HIGD1C: variants seen among roughly 807,000 people sequenced by gnomAD.
HIGD1C encodes HIG1 hypoxia inducible domain family member 1C.
In HIGD1C, 11 loss-of-function variants were observed where a neutral mutation model predicts 13.1. The observed-to-expected ratio is 0.84, with a 90% confidence interval of 0.53 to 1.39. The LOEUF is 1.39. HIGD1C is among the 40% of genes most tolerant of loss of function. The pLI is 0.00. For missense variants in HIGD1C, 110 were observed against 112.0 expected, an observed-to-expected ratio of 0.98 and a Z score of 0.08; for synonymous variants, 36 against 37.7, an observed-to-expected ratio of 0.95 and a Z score of 0.17.
the HIGD1C span, chr12:50,935,157 A>C: frequency 1.3e-5 from 2 of 152,238 alleles, no homozygotes; most frequent in Non-Finnish European, 2.9e-5. Flanking sequence ...AAAGTAATTA[A>C]AAGTCTGATG....
At chr12:50,943,507 G>A in the HIGD1C span, among the ~76,000 whole-genome samples, 2 of 151,976 alleles carry the variant, frequency 1.3e-5, no homozygotes, top group African/African-American at 2.4e-5. Context: ...TCAGGAGATC[G>A]AGACCATCCT....
the HIGD1C span, among the ~76,000 whole-genome samples, chr12:50,948,441 T>C: frequency 6.6e-6 from 1 of 152,156 alleles, no homozygotes; most frequent in Non-Finnish European, 1.5e-5. Context: ...GACACTTCTG[T>C]AGATTGCTGG....
the HIGD1C span, among the ~76,000 whole-genome samples, chr12:50,944,763 T>G: frequency 6.6e-6 from 1 of 152,256 alleles, no homozygotes; most frequent in Middle Eastern, 3.4e-3. Context: ...GGCGCACACC[T>G]GCAGTCCCAG....
chr12:50,937,678 T>C, the HIGD1C span, among the ~76,000 whole-genome samples: 1 of 151,820 alleles, frequency 6.6e-6, no homozygotes, highest in African/African-American at 2.4e-5. Flanking sequence ...CACTGGAGGG[T>C]GAAGAAGGCA....
upstream of HIGD1C, among the ~76,000 whole-genome samples, chr12:50,951,462 A>G (rs931178380): frequency 6.6e-6 from 1 of 152,204 alleles, no homozygotes; most frequent in Non-Finnish European, 1.5e-5. Flanking sequence ...AGGCAATTCA[A>G]CTTTCTGTGT....
At chr12:50,954,321 T>G (rs1416574426) in intron 1 of HIGD1C, 6 of 418,694 alleles carry the variant, frequency 1.4e-5, no homozygotes, top group Non-Finnish European at 2.5e-5. Context: ...TTTATCCATT[T>G]CATTAGAAGT....
At chr12:50,947,023 C>T in the HIGD1C span, among the ~76,000 whole-genome samples, 1 of 152,306 alleles carries the variant, frequency 6.6e-6, no homozygotes, top group East Asian at 1.9e-4. Flanking sequence ...GGCTTCTGGA[C>T]ACCATTCTCT....
chr12:50,957,188 T>C (rs1565956705), intron 1 of HIGD1C, among the ~76,000 whole-genome samples: 1 of 151,854 alleles, frequency 6.6e-6, no homozygotes, highest in Non-Finnish European at 1.5e-5. Context: ...AAACATGCTA[T>C]CCACATAAAA....
chr12:50,944,918 A>T, the HIGD1C span, among the ~76,000 whole-genome samples: 1 of 152,130 alleles, frequency 6.6e-6, no homozygotes, highest in African/African-American at 2.4e-5. Context: ...CCTGGGATGC[A>T]AGGCTGGTTC....
chr12:50,933,369 T>C, the HIGD1C span, among the ~76,000 whole-genome samples: 1 of 152,252 alleles, frequency 6.6e-6, no homozygotes, highest in South Asian at 2.1e-4. Context: ...CAATGTCTTT[T>C]AGGTCCTATA....
upstream of HIGD1C, among the ~76,000 whole-genome samples, chr12:50,953,457 C>T (rs976624130): frequency 1.3e-5 from 2 of 152,168 alleles, no homozygotes; most frequent in Admixed American, 1.3e-4. Context: ...ACAAGGAATC[C>T]ATTGTCTAGC....
the HIGD1C span, among the ~76,000 whole-genome samples, chr12:50,946,146 A>G: frequency 6.6e-6 from 1 of 152,176 alleles, no homozygotes; most frequent in Admixed American, 6.5e-5. Context: ...AACCTAGGCA[A>G]TATCATTCAG....
chr12:50,962,789 A>G (rs1423270286), intron 2 of HIGD1C, among the ~76,000 whole-genome samples: 1 of 152,176 alleles, frequency 6.6e-6, no homozygotes, highest in Non-Finnish European at 1.5e-5. Flanking sequence ...GGCTTCTTTA[A>G]GGATGTAAAC....
At chr12:50,972,435 A>G (rs1939784853), downstream of HIGD1C, among the ~76,000 whole-genome samples, 1 of 152,258 alleles carries the variant, frequency 6.6e-6, no homozygotes. Context: ...CCAGAACCAG[A>G]ACAGGAGCAC....
chr12:50,932,925 C>T, the HIGD1C span, among the ~76,000 whole-genome samples: 1 of 152,164 alleles, frequency 6.6e-6, no homozygotes. Context: ...AGAATTGGAA[C>T]CTCCTTAATC....
At chr12:50,960,306 A>G (rs1939277240) in intron 1 of HIGD1C, among the ~76,000 whole-genome samples, 1 of 152,222 alleles carries the variant, frequency 6.6e-6, no homozygotes, top group African/African-American at 2.4e-5. Context: ...GGAAGAGAAG[A>G]GTAAAGCCAA....
At chr12:50,972,237 A>G (rs906712407), downstream of HIGD1C, among the ~76,000 whole-genome samples, 1 of 152,254 alleles carries the variant, frequency 6.6e-6, no homozygotes, top group Non-Finnish European at 1.5e-5. Flanking sequence ...AAATAGATTA[A>G]GAGTTTAATT....
At chr12:50,950,366 TTAAAA>T (rs913634231), upstream of HIGD1C, among the ~76,000 whole-genome samples, 6 of 151,960 alleles carry the variant, frequency 3.9e-5, no homozygotes, top group African/African-American at 1.2e-4. Flanking sequence ...ACCAGTTATT[TTAAAA>T]TAAAATAAAA....
At chr12:50,938,125 C>T in the HIGD1C span, among the ~76,000 whole-genome samples, 1 of 152,078 alleles carries the variant, frequency 6.6e-6, no homozygotes, top group African/African-American at 2.4e-5. Context: ...TCAATATGCC[C>T]TCCACAGCGC....
Sources: gnomAD v4.1 joint callset for allele counts (sites outside exome capture counted in the v4.1 genomes callset) on GRCh38, gnomAD v4.1.1 for gene constraint, MANE v1.5 for transcripts, NCBI Gene and HGNC (gene_info 2026-07-23, HGNC 2026-07-21) for gene names.